ME3: variants seen among roughly 807,000 people sequenced by gnomAD.
ME3 encodes malic enzyme 3.
A neutral mutation model predicts 68.9 loss-of-function variants in ME3; 48 were observed. The ratio of observed to expected loss-of-function variants is 0.70; its 90% CI spans 0.55 to 0.89. ME3 has a LOEUF of 0.89. Among genes scored for constraint, ME3 ranks in the 40% least tolerant of loss-of-function variants. The pLI is 0.00. For missense variants in ME3, 675 were observed against 797.4 expected (o/e 0.85, Z 1.85); for synonymous variants, 320 against 318.8 (o/e 1.00, Z -0.04).
intron 2 of ME3, among the ~76,000 whole-genome samples, chr11:86,593,467 T>A (rs1005758196): frequency 1.4e-5 from 2 of 146,776 alleles, no homozygotes; most frequent in Non-Finnish European, 3.0e-5. Context: ...ATATATCATA[T>A]GAGCCCCACA....
At chr11:86,437,088 C>G (rs1193148853), downstream of ME3, 1 of 152,152 alleles carries the variant, frequency 6.6e-6, no homozygotes, top group African/African-American at 2.4e-5. Context: ...CTCTCCCACC[C>G]TTCCAGGTCT....
At chr11:86,657,512 C>A (rs1945981305) in intron 2 of ME3, among the ~76,000 whole-genome samples, 1 of 152,020 alleles carries the variant, frequency 6.6e-6, no homozygotes, top group Non-Finnish European at 1.5e-5. Flanking sequence ...CCAGAAATAG[C>A]TAATGTAAAT....
chr11:86,602,116 G>A (rs1274026879), intron 2 of ME3, among the ~76,000 whole-genome samples: 262 of 140,804 alleles, frequency 1.9e-3, no homozygotes, highest in East Asian at 3.5e-3. Context: ...CAATTAGGCA[G>A]GAGAAGGAAA....
rs56131691 is a variant in ME3 at position 86,560,720 on chromosome 11, G to A, written c.184-897C>T. On this transcript the variant is annotated intron_variant, in intron 2 of 14. Transcript: ENST00000543262. ...TATAATGATATGTGTGTGTGTGTGT[G>A]TGTGTATGTGTGTGTGTGTGTGTGT... Among the ~76,000 whole-genome samples, 125 of 54,716 alleles carry A rather than the reference G, an allele frequency of 2.3e-3. 1 individual carries two copies. The South Asian group carries it at 0.031, about 13-fold the overall frequency. 35.9% of individuals were successfully genotyped at this position (54,716 alleles called of 152,430 possible).
intron 2 of ME3, among the ~76,000 whole-genome samples, chr11:86,662,838 C>T (rs568234480): frequency 5.3e-5 from 8 of 152,238 alleles, no homozygotes; most frequent in Non-Finnish European, 7.4e-5. Flanking sequence ...TCTTTCAAAA[C>T]CAGAGAAAGA....
chr11:86,574,849 TGAA>T (rs1464988349), intron 2 of ME3, among the ~76,000 whole-genome samples: 2 of 152,236 alleles, frequency 1.3e-5, no homozygotes, highest in African/African-American at 2.4e-5. Flanking sequence ...AAACAGCTGC[TGAA>T]GAAGTTTTCT....
chr11:86,672,134 G>A (rs928660505), intron 1 of ME3, 176 bp from the exon 2 acceptor site: 10 of 544,934 alleles, frequency 1.8e-5, no homozygotes, highest in Non-Finnish European at 2.9e-5. Flanking sequence ...TCGGCTCCGC[G>A]CGGGGCGCCA....
intron 4 of ME3, among the ~76,000 whole-genome samples, chr11:86,549,450 T>C (rs530626929): frequency 1.8e-4 from 27 of 152,250 alleles, no homozygotes; most frequent in Non-Finnish European, 3.4e-4. Context: ...GTCTAAACCA[T>C]GGTATCCTTT....
chr11:86,542,519 C>CAACAGCAG (rs1956110201), intron 4 of ME3, among the ~76,000 whole-genome samples: 1 of 152,124 alleles, frequency 6.6e-6, no homozygotes, highest in South Asian at 2.1e-4. Context: ...ACACAAGTAT[C>CAACAGCAG]AACAGCAGAA....
At chr11:86,490,456 A>C (rs1199788697) in intron 6 of ME3, among the ~76,000 whole-genome samples, 2 of 152,184 alleles carry the variant, frequency 1.3e-5, no homozygotes, top group Non-Finnish European at 2.9e-5. Flanking sequence ...CAAAGTGACC[A>C]TCAAAGGTCA....
At chr11:86,546,170 T>C (rs1471211968) in intron 4 of ME3, among the ~76,000 whole-genome samples, 1 of 152,170 alleles carries the variant, frequency 6.6e-6, no homozygotes, top group Non-Finnish European at 1.5e-5. Flanking sequence ...TTACTCAAGA[T>C]GGATTAAAGA....
intron 5 of ME3, among the ~76,000 whole-genome samples, chr11:86,501,392 A>G (rs1952714626): frequency 6.6e-6 from 1 of 152,184 alleles, no homozygotes; most frequent in South Asian, 2.1e-4. Context: ...ACACAGAAAG[A>G]CCATGCAATA....
chr11:86,495,122 A>C (rs184191960), intron 6 of ME3, among the ~76,000 whole-genome samples: 58 of 152,320 alleles, frequency 3.8e-4, no homozygotes, highest in African/African-American at 1.4e-3. Context: ...TGGGGAGAGG[A>C]GCACAAACTT....
At chr11:86,503,984 C>T (rs183178006) in intron 5 of ME3, among the ~76,000 whole-genome samples, 17 of 152,330 alleles carry the variant, frequency 1.1e-4, no homozygotes, top group African/African-American at 3.8e-4. Flanking sequence ...CTCAAGGCAG[C>T]CTGGCCTGGC....
At chr11:86,606,689 C>T (rs1961710908) in intron 2 of ME3, among the ~76,000 whole-genome samples, 1 of 152,102 alleles carries the variant, frequency 6.6e-6, no homozygotes, top group Non-Finnish European at 1.5e-5. Flanking sequence ...GACCAATAGT[C>T]CATGGTGCTT....
At chr11:86,660,735 A>G (rs987298649) in intron 2 of ME3, among the ~76,000 whole-genome samples, 2 of 152,212 alleles carry the variant, frequency 1.3e-5, no homozygotes, top group African/African-American at 4.8e-5. Flanking sequence ...GTCTAAATTT[A>G]ATGTCTTTAA....
At chr11:86,556,449 A>G in intron 4 of ME3, 104 bp downstream of exon 4, 3 of 1,372,672 alleles carry the variant, frequency 2.2e-6, no homozygotes, top group Non-Finnish European at 2.9e-6. Context: ...CACTGACCCA[A>G]TCAGAGTTAG....
chr11:86,540,017 CA>C (rs1955937860), intron 4 of ME3, among the ~76,000 whole-genome samples: 1 of 152,214 alleles, frequency 6.6e-6, no homozygotes, highest in Non-Finnish European at 1.5e-5. Context: ...ATAACTTAAG[CA>C]TACCCTAAAT....
intron 8 of ME3, chr11:86,462,461 T>C: frequency 2.8e-6 from 2 of 701,956 alleles, no homozygotes; most frequent in South Asian, 1.3e-4. Flanking sequence ...TGTGGGGCAT[T>C]GGCACCTGTA....
Sources: allele counts gnomAD v4.1 joint callset (sites outside exome capture counted in the v4.1 genomes callset), GRCh38; gene constraint gnomAD v4.1.1; transcripts MANE v1.5; gene names NCBI Gene and HGNC (gene_info 2026-07-23, HGNC 2026-07-21).